NLGN4X: variants seen among roughly 807,000 people sequenced by gnomAD.
NLGN4X encodes neuroligin 4 X-linked.
A neutral mutation model predicts 40.3 loss-of-function variants in NLGN4X; 3 were observed. The observed-to-expected ratio is 0.07, with a 90% CI of 0.03 to 0.19. The LOEUF (loss-of-function observed/expected upper bound fraction) is 0.19, where lower values mean the gene tolerates loss of function less well. NLGN4X is among the 10% of genes least tolerant of loss of function. NLGN4X has a pLI of 1.00. For missense variants in NLGN4X, 382 were observed against 708.3 expected (o/e 0.54, Z 5.23); for synonymous variants, 270 against 306.8 (o/e 0.88, Z 1.25).
At chrX:5,977,828 C>T (rs185366847) in intron 3 of NLGN4X, among the ~76,000 whole-genome samples, 2 of 111,949 alleles carry the variant, frequency 1.8e-5, no homozygotes, top group East Asian at 5.6e-4. Context: ...CAGTCTTTTC[C>T]ATGACATTCA....
intron 2 of NLGN4X, among the ~76,000 whole-genome samples, chrX:6,133,690 TG>T (rs2039738466): frequency 8.9e-6 from 1 of 111,738 alleles, no homozygotes; most frequent in Admixed American, 9.5e-5. Context: ...GAAGCCTGGA[TG>T]GAGCCCAGGA....
intron 2 of NLGN4X, among the ~76,000 whole-genome samples, chrX:6,035,131 T>G (rs1241873869): frequency 1.8e-5 from 2 of 112,509 alleles, no homozygotes; most frequent in South Asian, 3.7e-4. Flanking sequence ...AAATAATTTC[T>G]TTCCTTCTTA....
At chrX:6,027,497 A>C in intron 3 of NLGN4X, among the ~76,000 whole-genome samples, 1 of 111,630 alleles carries the variant, frequency 9.0e-6, no homozygotes, top group Non-Finnish European at 1.9e-5. Context: ...TTCTTTATCA[A>C]TGTTTCAAAA....
At chrX:6,116,391 CTTTTTTTTTTTTTTTTTTTTTTTTTTT>C (rs1157468420) in intron 2 of NLGN4X, among the ~76,000 whole-genome samples, 2 of 22,279 alleles carry the variant, frequency 9.0e-5, no homozygotes, top group African/African-American at 1.9e-4. Context: ...ACCTTTCTTT[CTTTTTTTTTTTTTTTTTTTTTTTTTTT>C]TTTTTTTTTT....
intron 2 of NLGN4X, among the ~76,000 whole-genome samples, chrX:6,116,991 C>A (rs752301551): frequency 1.8e-5 from 2 of 111,630 alleles, no homozygotes; most frequent in South Asian, 7.5e-4. Context: ...GCTTTTTCCA[C>A]ATAAGAAAAT....
At chrX:6,121,881 C>G (rs1296620137) in intron 2 of NLGN4X, among the ~76,000 whole-genome samples, 1 of 112,525 alleles carries the variant, frequency 8.9e-6, no homozygotes, top group African/African-American at 3.2e-5. Flanking sequence ...CTGGGCGGAT[C>G]AATGCTTTTC....
At chrX:6,046,860 T>C (rs755035500) in intron 2 of NLGN4X, among the ~76,000 whole-genome samples, 2,478 of 75,346 alleles carry the variant, frequency 0.033, 58 homozygotes, top group African/African-American at 0.092. Context: ...CACATATATA[T>C]ATACACATGT....
At chrX:6,129,722 G>C (rs2039637771) in intron 2 of NLGN4X, among the ~76,000 whole-genome samples, 1 of 110,396 alleles carries the variant, frequency 9.1e-6, no homozygotes, top group Non-Finnish European at 1.9e-5. Flanking sequence ...TCTCACAACA[G>C]GGCAGGTGGG....
At chrX:5,991,410 A>C (rs777730219) in intron 3 of NLGN4X, 11 of 511,169 alleles carry the variant, frequency 2.2e-5, no homozygotes, top group African/African-American at 2.1e-4. Flanking sequence ...TTTTCTTTCC[A>C]CCTCTAATTC....
intron 3 of NLGN4X, among the ~76,000 whole-genome samples, chrX:6,027,870 G>A (rs1602090860): frequency 9.4e-6 from 1 of 106,830 alleles, no homozygotes; most frequent in East Asian, 3.0e-4. Flanking sequence ...AGGCTGGAGT[G>A]CAATGGCGCT....
intron 2 of NLGN4X, among the ~76,000 whole-genome samples, chrX:6,079,223 AGTT>A (rs1055521585): frequency 8.9e-6 from 1 of 111,797 alleles, no homozygotes; most frequent in Admixed American, 9.5e-5. Flanking sequence ...GAAGGTGGCA[AGTT>A]GTTAAGACTG....
chrX:6,109,990 T>C (rs763178264), intron 2 of NLGN4X, among the ~76,000 whole-genome samples: 165 of 110,266 alleles, frequency 1.5e-3, no homozygotes, highest in African/African-American at 5.0e-3. Context: ...AGGTGGCTAG[T>C]CAAGCAGCAG....
chrX:5,911,124 C>T (rs1413232746), intron 3 of NLGN4X, among the ~76,000 whole-genome samples: 2 of 111,371 alleles, frequency 1.8e-5, no homozygotes, highest in African/African-American at 3.3e-5. Context: ...AGTTTAGGTG[C>T]CCTATAATAC....
At chrX:6,109,936 G>C (rs1037349303) in intron 2 of NLGN4X, among the ~76,000 whole-genome samples, 1 of 110,716 alleles carries the variant, frequency 9.0e-6, no homozygotes, top group African/African-American at 3.3e-5. Context: ...GCCAGATTAG[G>C]GGGTACAAAT....
At chrX:6,179,161 G>A (rs917619665) in intron 1 of NLGN4X, among the ~76,000 whole-genome samples, 1 of 62,272 alleles carries the variant, frequency 1.6e-5, no homozygotes, top group African/African-American at 7.4e-5. Flanking sequence ...TTTTGGTAGG[G>A]GAGTATGTGT....
intron 2 of NLGN4X, among the ~76,000 whole-genome samples, chrX:6,112,538 T>C (rs1426698343): frequency 1.8e-5 from 2 of 109,357 alleles, no homozygotes; most frequent in East Asian, 5.8e-4. Flanking sequence ...TACTCTGCCC[T>C]CAAGGAGGGG....
intron 2 of NLGN4X, among the ~76,000 whole-genome samples, chrX:6,067,660 T>C (rs981208685): frequency 9.0e-6 from 1 of 111,710 alleles, no homozygotes; most frequent in Non-Finnish European, 1.9e-5. Context: ...CAGCATTAGA[T>C]AGTGCATCTG....
At chrX:6,196,379 G>A in intron 1 of NLGN4X, among the ~76,000 whole-genome samples, 1 of 109,234 alleles carries the variant, frequency 9.2e-6, no homozygotes, top group Non-Finnish European at 1.9e-5. Flanking sequence ...GTTTAACCCT[G>A]TCTCTACTAA....
intron 3 of NLGN4X, among the ~76,000 whole-genome samples, chrX:5,929,014 C>T (rs1009632694): frequency 1.8e-5 from 2 of 109,687 alleles, no homozygotes; most frequent in Non-Finnish European, 3.8e-5. Flanking sequence ...AGTTGATCTG[C>T]TGATTAACCT....
Sources: allele counts gnomAD v4.1 joint callset (sites outside exome capture counted in the v4.1 genomes callset), GRCh38; gene constraint gnomAD v4.1.1; transcripts MANE v1.5; gene names NCBI Gene and HGNC (gene_info 2026-07-23, HGNC 2026-07-21).